Variants in MSRA observed in about 807,000 individuals in gnomAD.
MSRA encodes the protein methionine sulfoxide reductase A, also known as mitochondrial peptide methionine sulfoxide reductase.
In MSRA, 54 loss-of-function variants were observed where a neutral mutation model predicts 31.3. The observed-to-expected ratio is 1.73, with a 90% CI of 1.39 to 2.17. The LOEUF (loss-of-function observed/expected upper bound fraction) is 2.17. Among genes scored for constraint, MSRA ranks in the 30% most tolerant of loss-of-function variants. The pLI is 0.00. For synonymous variants in MSRA, 169 were observed against 116.5 expected, an observed-to-expected ratio of 1.45 and a Z score of -2.90; for missense variants, 507 against 300.9, an observed-to-expected ratio of 1.69 and a Z score of -5.07.
chr8:10,370,206 T>C (rs1021018643), intron 5 of MSRA, among the ~76,000 whole-genome samples: 1 of 152,368 alleles, frequency 6.6e-6, no homozygotes. Context: ...GAAGCCATTA[T>C]GTTCAAAGAA....
chr8:10,124,704 C>T (rs568557562), intron 1 of MSRA, among the ~76,000 whole-genome samples: 1 of 152,214 alleles, frequency 6.6e-6, no homozygotes, highest in African/African-American at 2.4e-5. Flanking sequence ...CTTATCTTTC[C>T]TGAAATTTTG....
chr8:10,095,168 T>C (rs1394236366), intron 1 of MSRA, among the ~76,000 whole-genome samples: 2 of 152,214 alleles, frequency 1.3e-5, no homozygotes, highest in Non-Finnish European at 2.9e-5. Flanking sequence ...AGAAATACAG[T>C]ATGTGGTGCT....
chr8:10,419,924 T>C (rs1808710410), intron 5 of MSRA, among the ~76,000 whole-genome samples: 1 of 152,202 alleles, frequency 6.6e-6, no homozygotes, highest in East Asian at 1.9e-4. Context: ...ACGTTCCTTT[T>C]GCAGTTCTGT....
At chr8:10,076,063 C>T (rs1007579776) in intron 1 of MSRA, among the ~76,000 whole-genome samples, 2 of 150,184 alleles carry the variant, frequency 1.3e-5, no homozygotes, top group South Asian at 2.1e-4. Context: ...GTCTGGACTG[C>T]GAGTCAGAGC....
chr8:10,139,758 C>G (rs1485188460), intron 1 of MSRA, among the ~76,000 whole-genome samples: 3 of 152,156 alleles, frequency 2.0e-5, no homozygotes, highest in South Asian at 2.1e-4. Context: ...TTTTCTTTAT[C>G]CAGTCATCTG....
chr8:10,064,955 G>T (rs1797386608), intron 1 of MSRA, among the ~76,000 whole-genome samples: 1 of 152,146 alleles, frequency 6.6e-6, no homozygotes, highest in Non-Finnish European at 1.5e-5. Context: ...ATGCACTGTT[G>T]TTAGCAGTTG....
chr8:10,160,221 A>G (rs1804513786), intron 1 of MSRA, among the ~76,000 whole-genome samples: 1 of 152,146 alleles, frequency 6.6e-6, no homozygotes. Context: ...GGATGGGGCC[A>G]GGCACAGTGG....
intron 1 of MSRA, among the ~76,000 whole-genome samples, chr8:10,175,119 C>T (rs989624633): frequency 2.0e-5 from 3 of 152,160 alleles, no homozygotes; most frequent in Non-Finnish European, 2.9e-5. Flanking sequence ...TTTCTGCACT[C>T]ACCCTCCTCT....
At chr8:10,199,459 A>G (rs1444799924) in intron 1 of MSRA, among the ~76,000 whole-genome samples, 2 of 152,088 alleles carry the variant, frequency 1.3e-5, no homozygotes, top group Admixed American at 6.5e-5. Context: ...AGCTGGGACT[A>G]CAAATGCGCG....
intron 1 of MSRA, among the ~76,000 whole-genome samples, chr8:10,152,414 G>C (rs1803772798): frequency 6.6e-6 from 1 of 152,142 alleles, no homozygotes; most frequent in African/African-American, 2.4e-5. Context: ...GTGTGTGTCA[G>C]CTTCTTTTTG....
At chr8:10,193,642 T>C (rs920616340) in intron 1 of MSRA, among the ~76,000 whole-genome samples, 14 of 152,214 alleles carry the variant, frequency 9.2e-5, no homozygotes, top group Admixed American at 9.2e-4. Context: ...CGCCTCCATC[T>C]TTCATAGAAA....
intron 1 of MSRA, among the ~76,000 whole-genome samples, chr8:10,187,055 A>G (rs1435250749): frequency 6.6e-6 from 1 of 152,152 alleles, no homozygotes; most frequent in Admixed American, 6.5e-5. Context: ...TTTGAGCTTA[A>G]CTGGAGCTAT....
intron 2 of MSRA, among the ~76,000 whole-genome samples, chr8:10,240,068 A>G (rs1441232378): frequency 6.6e-6 from 1 of 152,120 alleles, no homozygotes; most frequent in Non-Finnish European, 1.5e-5. Context: ...GCTTGGTCTG[A>G]TGGATGTTAT....
intron 3 of MSRA, among the ~76,000 whole-genome samples, chr8:10,301,019 A>G (rs1360502485): frequency 1.3e-5 from 2 of 152,160 alleles, no homozygotes; most frequent in African/African-American, 2.4e-5. Flanking sequence ...CAGTGTTAAC[A>G]GCACAGCACG....
chr8:10,247,266 G>C (rs2129083834), intron 3 of MSRA, among the ~76,000 whole-genome samples: 1 of 152,282 alleles, frequency 6.6e-6, no homozygotes, highest in Admixed American at 6.5e-5. Context: ...GAGGCTCAGA[G>C]AGGATAAATA....
At chr8:10,093,395 A>G (rs556837453) in intron 1 of MSRA, among the ~76,000 whole-genome samples, 1 of 152,298 alleles carries the variant, frequency 6.6e-6, no homozygotes, top group African/African-American at 2.4e-5. Flanking sequence ...ATCTTAATTT[A>G]TAACAATCTA....
intron 5 of MSRA, among the ~76,000 whole-genome samples, chr8:10,347,038 G>A (rs1186965711): frequency 6.6e-6 from 1 of 152,030 alleles, no homozygotes; most frequent in African/African-American, 2.4e-5. Context: ...CCATCATTCT[G>A]GCTGAAGCCC....
chr8:10,221,809 A>C (rs556148737), intron 2 of MSRA, among the ~76,000 whole-genome samples: 1 of 152,252 alleles, frequency 6.6e-6, no homozygotes, highest in Admixed American at 6.6e-5. Context: ...TCATGAAGGA[A>C]AAATACCTGA....
intron 3 of MSRA, among the ~76,000 whole-genome samples, chr8:10,299,560 A>G (rs1299437221): frequency 6.6e-6 from 1 of 152,134 alleles, no homozygotes. Flanking sequence ...AATTAATAAT[A>G]AAATATTAAT....
Sources: allele counts gnomAD v4.1 joint callset (sites outside exome capture counted in the v4.1 genomes callset), GRCh38; gene constraint gnomAD v4.1.1; transcripts MANE v1.5; gene names NCBI Gene and HGNC (gene_info 2026-07-23, HGNC 2026-07-21).